Variants in ACBD6 observed in about 807,000 individuals in gnomAD.
ACBD6 encodes acyl-CoA binding domain containing 6.
ACBD6 carries 28 observed loss-of-function variants against 37.2 expected under a neutral mutation model. The ratio of observed to expected loss-of-function variants is 0.75; its 90% confidence interval spans 0.56 to 1.03. The LOEUF (loss-of-function observed/expected upper bound fraction) is 1.03. Among genes scored for constraint, ACBD6 ranks in the 50% least tolerant of loss-of-function variants. The pLI, the probability that ACBD6 is intolerant of heterozygous loss-of-function variation, is 0.00. For synonymous variants in ACBD6, 113 were observed against 126.8 expected, an observed-to-expected ratio of 0.89 and a Z score of 0.73; for missense variants, 340 against 337.4, an observed-to-expected ratio of 1.01 and a Z score of -0.06.
chr1:180,403,539 G>A (rs1052711272), intron 5 of ACBD6, among the ~76,000 whole-genome samples: 1 of 152,136 alleles, frequency 6.6e-6, no homozygotes, highest in African/African-American at 2.4e-5. Flanking sequence ...AAATACGGAT[G>A]TTCATTGTAA....
intron 4 of ACBD6, among the ~76,000 whole-genome samples, chr1:180,426,072 C>T (rs1571495105): frequency 6.6e-6 from 1 of 152,268 alleles, no homozygotes; most frequent in African/African-American, 2.4e-5. Context: ...AAGCAGCAAC[C>T]TCTTGTATTT....
At chr1:180,499,544 T>C (rs371491218) in intron 1 of ACBD6, among the ~76,000 whole-genome samples, 5 of 152,180 alleles carry the variant, frequency 3.3e-5, no homozygotes, top group African/African-American at 7.2e-5. Flanking sequence ...CTTAGAAATA[T>C]AGTATTTTAA....
chr1:180,278,387 C>CCAA (rs1649168277), intron 9 of ACBD6: 1 of 152,114 alleles, frequency 6.6e-6, no homozygotes, highest in Admixed American at 6.5e-5. Context: ...AGTAGTTGCT[C>CCAA]CAACTGTTCT....
intron 6 of ACBD6, among the ~76,000 whole-genome samples, chr1:180,320,082 C>T (rs959116491): frequency 6.6e-6 from 1 of 152,150 alleles, no homozygotes; most frequent in Non-Finnish European, 1.5e-5. Context: ...AACCTCCAAA[C>T]GGTTCTCCAT....
chr1:180,457,851 G>C (rs905975751), intron 3 of ACBD6, among the ~76,000 whole-genome samples: 1 of 146,732 alleles, frequency 6.8e-6, no homozygotes, highest in Non-Finnish European at 1.5e-5. Context: ...GGAGTACAAT[G>C]GCACGATCTC....
intron 6 of ACBD6, among the ~76,000 whole-genome samples, chr1:180,366,523 A>G (rs140484580): frequency 6.6e-6 from 1 of 152,372 alleles, no homozygotes; most frequent in East Asian, 1.9e-4. Flanking sequence ...ACACTTTGAC[A>G]GTGTCCTATA....
chr1:180,398,669 G>T lies in ACBD6; in HGVS notation c.574-1064C>A, dbSNP rs116037865. 5.5e-3 allele frequency among the ~76,000 whole-genome samples: 832 copies of T among 152,240 alleles called. 7 individuals carry two copies. Among genetic ancestry groups the T allele is most frequent in the African/African-American group, 0.019 (787 of 41,536 alleles). Reference sequence around the variant, plus strand: ...ACGTGTGTTATTTCTATTCTCTACTGCCAGAAAATCTTGTTTTAGTTAATG... The same window carrying T: ...ACGTGTGTTATTTCTATTCTCTACTTCCAGAAAATCTTGTTTTAGTTAATG... On this transcript the variant is annotated intron_variant, in intron 5 of 7. Transcript: ENST00000367595.
At chr1:180,346,192 C>A (rs983970114) in intron 6 of ACBD6, among the ~76,000 whole-genome samples, 2 of 152,180 alleles carry the variant, frequency 1.3e-5, no homozygotes, top group African/African-American at 4.8e-5. Flanking sequence ...ACCAAGTAGT[C>A]ACAAACTACA....
chr1:180,356,528 A>T (rs1652635333), intron 6 of ACBD6, among the ~76,000 whole-genome samples: 2 of 151,978 alleles, frequency 1.3e-5, no homozygotes, highest in Admixed American at 1.3e-4. Flanking sequence ...GATCAGTTCA[A>T]ATATGATAAT....
At chr1:180,385,238 A>G (rs1460091353) in intron 6 of ACBD6, among the ~76,000 whole-genome samples, 1 of 151,816 alleles carries the variant, frequency 6.6e-6, no homozygotes, top group Non-Finnish European at 1.5e-5. Flanking sequence ...ATACTTATAA[A>G]CACAAAAGAA....
intron 3 of ACBD6, among the ~76,000 whole-genome samples, chr1:180,487,100 G>A (rs190835240): frequency 1.1e-3 from 171 of 152,186 alleles, no homozygotes; most frequent in Admixed American, 1.9e-3. Flanking sequence ...ATGACCCTGC[G>A]TTAGAAGATG....
At chr1:180,393,880 T>C (rs1019154386) in intron 6 of ACBD6, among the ~76,000 whole-genome samples, 1 of 152,192 alleles carries the variant, frequency 6.6e-6, no homozygotes, top group Non-Finnish European at 1.5e-5. Flanking sequence ...AGATCCGTCC[T>C]AAAAACCTAC....
At chr1:180,395,558 G>A (rs1654229700) in intron 6 of ACBD6, among the ~76,000 whole-genome samples, 1 of 151,986 alleles carries the variant, frequency 6.6e-6, no homozygotes, top group African/African-American at 2.4e-5. Context: ...ACCTAGTACT[G>A]AAAGGCCCAG....
intron 3 of ACBD6, among the ~76,000 whole-genome samples, chr1:180,479,267 GAATA>G (rs983945807): frequency 2.0e-5 from 3 of 152,106 alleles, no homozygotes; most frequent in African/African-American, 7.2e-5. Context: ...ACGGATGAAT[GAATA>G]AATAAAATGT....
intron 6 of ACBD6, among the ~76,000 whole-genome samples, chr1:180,341,277 C>T (rs1474968042): frequency 2.0e-5 from 3 of 151,704 alleles, no homozygotes; most frequent in East Asian, 3.9e-4. Flanking sequence ...GCATATTATA[C>T]GATACTAGGT....
chr1:180,327,895 A>G (rs1651318026), intron 6 of ACBD6, among the ~76,000 whole-genome samples: 1 of 152,054 alleles, frequency 6.6e-6, no homozygotes, highest in African/African-American at 2.4e-5. Flanking sequence ...CCTCACATGT[A>G]CTCTGCAGCA....
At chr1:180,426,252 T>C (rs990017540) in intron 4 of ACBD6, among the ~76,000 whole-genome samples, 4 of 152,200 alleles carry the variant, frequency 2.6e-5, no homozygotes. Flanking sequence ...AACTACAAAA[T>C]ATAACAGGGA....
At chr1:180,407,197 A>C (rs932918639) in intron 5 of ACBD6, among the ~76,000 whole-genome samples, 1 of 152,230 alleles carries the variant, frequency 6.6e-6, no homozygotes, top group African/African-American at 2.4e-5. Context: ...AGAGGGCAGA[A>C]ATCTGCTTGG....
At chr1:180,445,063 C>T (rs934399079) in intron 3 of ACBD6, among the ~76,000 whole-genome samples, 1 of 152,078 alleles carries the variant, frequency 6.6e-6, no homozygotes. Context: ...TACTTCTTTG[C>T]CTCAGTTTCC....
Sources: allele counts gnomAD v4.1 joint callset (sites outside exome capture counted in the v4.1 genomes callset), GRCh38; gene constraint gnomAD v4.1.1; transcripts MANE v1.5; gene names NCBI Gene and HGNC (gene_info 2026-07-23, HGNC 2026-07-21).